The following ARHGAP8 variants were observed in gnomAD, a reference collection of about 807,000 sequenced individuals.
ARHGAP8 encodes Rho GTPase activating protein 8.
In ARHGAP8, 62 loss-of-function variants were observed where a neutral mutation model predicts 46.1. That is an observed-to-expected ratio of 1.34 (90% CI 1.10 to 1.66). ARHGAP8 has a LOEUF of 1.66. ARHGAP8 is among the 40% of genes most tolerant of loss of function. ARHGAP8 has a pLI of 0.00. For missense variants in ARHGAP8, 923 were observed against 568.4 expected, an observed-to-expected ratio of 1.62 and a Z score of -6.34; for synonymous variants, 375 against 243.1, an observed-to-expected ratio of 1.54 and a Z score of -5.05.
chr22:44,780,301 G>A (rs1334098350), intron 1 of ARHGAP8, among the ~76,000 whole-genome samples: 1 of 152,102 alleles, frequency 6.6e-6, no homozygotes, highest in African/African-American at 2.4e-5. Flanking sequence ...AGGCTGCAGT[G>A]AGCTGTGATT....
rs745736136 is a variant in ARHGAP8 at position 44,847,955 on chromosome 22, G to C, written c.671-18G>C. On this transcript the variant is annotated intron_variant, in intron 8 of 11. Transcript: ENST00000356099. ...TGGGCTGGGACCTGTGAGATGCCTG[G>C]AAGCTCCTCTCCTGCAGGCCTGCGC... 1.2e-6 allele frequency: 2 copies of C among 1,605,956 alleles called. No homozygotes were observed. Among genetic ancestry groups the C allele is most frequent in the Non-Finnish European group, 1.7e-6 (2 of 1,179,800 alleles).
chr22:44,832,916 C>G (rs560856908), intron 7 of ARHGAP8, among the ~76,000 whole-genome samples: 1 of 151,736 alleles, frequency 6.6e-6, no homozygotes, highest in South Asian at 2.1e-4. Context: ...CACTTGAGGC[C>G]GGGAGTTCAA....
chr22:44,803,111 C>G (rs1374367302), intron 3 of ARHGAP8, among the ~76,000 whole-genome samples: 1 of 152,174 alleles, frequency 6.6e-6, no homozygotes, highest in Non-Finnish European at 1.5e-5. Context: ...CTGAGGAAAT[C>G]ACCCCTGTGG....
intron 1 of ARHGAP8, among the ~76,000 whole-genome samples, chr22:44,766,826 T>C (rs573308527): frequency 6.9e-6 from 1 of 145,928 alleles, no homozygotes; most frequent in Non-Finnish European, 1.5e-5. Flanking sequence ...GCAAAACTCC[T>C]GGCCAAGGCC....
At chr22:44,838,140 A>ATTTTTTT (rs61131873) in intron 7 of ARHGAP8, among the ~76,000 whole-genome samples, 10 of 143,502 alleles carry the variant, frequency 7.0e-5, no homozygotes, top group African/African-American at 2.6e-4. Context: ...TGCCTGGCTA[A>ATTTTTTT]TTTTTTTTTT....
chr22:44,770,652 C>T (rs570554196), intron 1 of ARHGAP8, among the ~76,000 whole-genome samples: 4 of 152,244 alleles, frequency 2.6e-5, no homozygotes, highest in African/African-American at 4.8e-5. Context: ...GTGATCGACC[C>T]ACTTTGGCCT....
chr22:44,814,819 T>C (rs1929618823), intron 5 of ARHGAP8, 61 bp downstream of exon 5: 2 of 1,581,600 alleles, frequency 1.3e-6, no homozygotes, highest in Non-Finnish European at 1.7e-6. Context: ...TCAGGGTCCA[T>C]GGGACGGCCT....
At chr22:44,843,464 T>C (rs1285840072) in intron 7 of ARHGAP8, among the ~76,000 whole-genome samples, 1 of 152,176 alleles carries the variant, frequency 6.6e-6, no homozygotes, top group Non-Finnish European at 1.5e-5. Context: ...GAAAGTAGAT[T>C]GACTGTTTAA....
chr22:44,822,618 C>A, intron 6 of ARHGAP8, 149 bp downstream of exon 6: 1 of 659,008 alleles, frequency 1.5e-6, no homozygotes. Flanking sequence ...GACAAAGATC[C>A]GCAGCAAAAG....
chr22:44,804,719 C>T (rs1188102601), intron 3 of ARHGAP8, among the ~76,000 whole-genome samples: 5 of 152,098 alleles, frequency 3.3e-5, no homozygotes, highest in African/African-American at 1.2e-4. Context: ...ACCCCCAACT[C>T]AAGATGAACA....
chr22:44,797,312 C>G (rs6519895), intron 2 of ARHGAP8, among the ~76,000 whole-genome samples: 3,219 of 149,068 alleles, frequency 0.022, 112 homozygotes, highest in African/African-American at 0.074. Context: ...CCTTATAAAT[C>G]ACCCATCACT....
intron 3 of ARHGAP8, among the ~76,000 whole-genome samples, chr22:44,803,560 G>A (rs1928707163): frequency 7.1e-6 from 1 of 140,440 alleles, no homozygotes; most frequent in African/African-American, 2.7e-5. Flanking sequence ...ATGTCCCCTT[G>A]TGTGCTTACC....
chr22:44,799,534 C>T (rs1026908497), intron 2 of ARHGAP8, among the ~76,000 whole-genome samples: 1 of 152,124 alleles, frequency 6.6e-6, no homozygotes, highest in African/African-American at 2.4e-5. Flanking sequence ...GGGCCAGGTC[C>T]TCGGGGGCAG....
chr22:44,786,732 G>A lies in ARHGAP8; in HGVS notation c.79+126G>A, dbSNP rs6007295. On this transcript the variant is annotated intron_variant, in intron 2 of 11. Coordinates refer to ENST00000356099, the MANE Select transcript of ARHGAP8 (RefSeq NM_181335.3). ...GCTGGGCAAGATTGAAATCTAATTA[G>A]AGCCAGGTGCAGTGGCTCATACCTT... 6.0e-4 allele frequency: 841 copies of A among 1,395,710 alleles called. 3 individuals are homozygous for A. The African/African-American group carries it at 0.01, about 17-fold the overall frequency. The allele number at this position is 1,395,710 out of a possible 1,614,324, so 86.5% of individuals were successfully genotyped here. A position where few individuals can be genotyped will look rare whatever the true frequency, so the allele number is the denominator to read the frequency against.
intron 4 of ARHGAP8, chr22:44,809,146 A>T (rs1929159812): frequency 2.1e-6 from 1 of 471,002 alleles, no homozygotes; most frequent in Non-Finnish European, 4.4e-6. Flanking sequence ...AAAGGGCCAG[A>T]CAGTCAGCAT....
intron 5 of ARHGAP8, 152 bp from the exon 6 acceptor site, chr22:44,822,219 T>C (rs1930201887): frequency 3.2e-6 from 2 of 622,082 alleles, no homozygotes; most frequent in Non-Finnish European, 5.3e-6. Context: ...GCTTGTGTTA[T>C]GTTCGGGTTT....
At chr22:44,833,019 G>C (rs1931053446) in intron 7 of ARHGAP8, among the ~76,000 whole-genome samples, 1 of 151,446 alleles carries the variant, frequency 6.6e-6, no homozygotes, top group Non-Finnish European at 1.5e-5. Flanking sequence ...TCACTACTAA[G>C]CATAATGTTA....
rs1461100934 is a variant in ARHGAP8 at position 44,845,259 on chromosome 22, G to GT, written c.597-6dup. On this transcript the variant is annotated splice_polypyrimidine_tract_variant and intron_variant, in intron 7 of 11. Coordinates refer to ENST00000356099, the MANE Select transcript of ARHGAP8 (RefSeq NM_181335.3). ...GGTAAAAACTGCGACTTTCTTTTCT[G>GT]TTTTCTCAGCCTCAAAGACAAAAAT... 4.3e-6 allele frequency: 7 copies of GT among 1,613,912 alleles called. No individual in the cohort carries two copies. In the South Asian group the frequency reaches 7.7e-5, roughly 18 times the overall value.
Position 44,770,052 on chromosome 22 carries a change from T to G in ARHGAP8, c.-71-16405T>G, listed in dbSNP as rs369551057. On this transcript the variant is annotated intron_variant, in intron 1 of 11. Transcript: ENST00000356099. ...CGAGGTCAGGAGTTTGAGACCATCC[T>G]GGCCAACATGGTGAAACCCCATCTC... Among the ~76,000 whole-genome samples the G allele has an allele frequency of 2.4e-4, 36 of 152,252 alleles. 1 individual carries two copies. The highest frequency in any genetic ancestry group is 7.9e-4 in the African/African-American group (33 of 41,560).
Sources: gnomAD v4.1 joint callset for allele counts (sites outside exome capture counted in the v4.1 genomes callset) on GRCh38, gnomAD v4.1.1 for gene constraint, MANE v1.5 for transcripts, NCBI Gene and HGNC (gene_info 2026-07-23, HGNC 2026-07-21) for gene names.